XXYLT1: variants seen among roughly 807,000 people sequenced by gnomAD.
XXYLT1 encodes xyloside xylosyltransferase 1.
In XXYLT1, 20 loss-of-function variants were observed where a neutral mutation model predicts 28.9. The ratio of observed to expected loss-of-function variants is 0.69; its 90% CI spans 0.49 to 1.00. XXYLT1 has a LOEUF of 1.00. XXYLT1 is among the 50% of genes least tolerant of loss of function. XXYLT1 has a pLI of 0.00. For missense variants in XXYLT1, 542 were observed against 560.1 expected (o/e 0.97, Z 0.33); for synonymous variants, 257 against 253.8 (o/e 1.01, Z -0.12).
intron 2 of XXYLT1, chr3:195,175,678 A>T (rs974106544): frequency 4.6e-6 from 7 of 1,536,032 alleles, no homozygotes; most frequent in Non-Finnish European, 6.1e-6. Flanking sequence ...CCACATGACT[A>T]GCTCCTGGCT....
At chr3:195,102,762 T>C (rs1344834073) in intron 3 of XXYLT1, among the ~76,000 whole-genome samples, 1 of 152,234 alleles carries the variant, frequency 6.6e-6, no homozygotes, top group Non-Finnish European at 1.5e-5. Flanking sequence ...TGAATAACGT[T>C]GCCGTGAGCA....
intron 3 of XXYLT1, among the ~76,000 whole-genome samples, chr3:195,144,365 A>G (rs942799526): frequency 6.6e-6 from 1 of 151,906 alleles, no homozygotes; most frequent in African/African-American, 2.4e-5. Context: ...TGGCTGGCAA[A>G]GGGGGTCAAA....
intron 2 of XXYLT1, among the ~76,000 whole-genome samples, chr3:195,211,125 A>G (rs909410852): frequency 6.6e-6 from 1 of 152,186 alleles, no homozygotes; most frequent in Non-Finnish European, 1.5e-5. Flanking sequence ...CGGGCATGGT[A>G]GCTCACGCCT....
chr3:195,105,032 A>C (rs147714143), intron 3 of XXYLT1, among the ~76,000 whole-genome samples: 361 of 152,330 alleles, frequency 2.4e-3, no homozygotes, highest in Non-Finnish European at 3.2e-3. Flanking sequence ...TGCCCTGGGG[A>C]TAGTGGTGTG....
At chr3:195,101,978 A>AGGGGGTGGGGGAGGGGAG (rs1273258900) in intron 3 of XXYLT1, among the ~76,000 whole-genome samples, 2 of 1,232 alleles carry the variant, frequency 1.6e-3, no homozygotes, top group Admixed American at 6.3e-3. Context: ...CGGGGGAGGG[A>AGGGGGTGGGGGAGGGGAG]GGGATGCGGG....
chr3:195,131,272 C>G (rs1248147836), intron 3 of XXYLT1, among the ~76,000 whole-genome samples: 2 of 152,244 alleles, frequency 1.3e-5, no homozygotes, highest in Non-Finnish European at 2.9e-5. Context: ...TTTCCAAACA[C>G]ACACAGTCTT....
chr3:195,104,223 G>A (rs993606950), intron 3 of XXYLT1, among the ~76,000 whole-genome samples: 4 of 151,088 alleles, frequency 2.6e-5, no homozygotes, highest in Non-Finnish European at 3.0e-5. Context: ...GTGTGTGTGT[G>A]TGTGTGTGTG....
chr3:195,115,775 G>C lies in XXYLT1; in HGVS notation c.785+40674C>G, dbSNP rs533451271. Among the ~76,000 whole-genome samples the C allele has an allele frequency of 1.7e-4, 26 of 152,280 alleles. No homozygotes were observed. Among genetic ancestry groups the C allele is most frequent in the African/African-American group, 6.3e-4 (26 of 41,550 alleles). ...GGGCGGCAGGTGCAGGCCAGGACCG[G>C]ACCTCGGTTATCTAGAGAGTAACTA... is the stretch of plus-strand genomic sequence containing the variant. On this transcript the variant is annotated intron_variant, in intron 3 of 3. Coordinates refer to ENST00000310380, the MANE Select transcript of XXYLT1 (RefSeq NM_152531.5). This position sits in a 1 kb window ranked among gnomAD's most constrained non-coding sequence, Gnocchi z 4.2.
chr3:195,209,275 G>A lies in XXYLT1; in HGVS notation c.652+17434C>T, dbSNP rs1369369218. The A allele has an allele frequency of 6.6e-6, 1 of 152,330 alleles. No homozygotes were observed. The highest frequency in any genetic ancestry group is 1.5e-5 in the Non-Finnish European group (1 of 68,124). The allele number at this position is 152,330 out of a possible 1,614,324, so 9.4% of individuals were successfully genotyped here. A position where few individuals can be genotyped will look rare whatever the true frequency, so the allele number is the denominator to read the frequency against. On this transcript the variant is annotated intron_variant, in intron 2 of 3. Coordinates refer to ENST00000310380, the MANE Select transcript of XXYLT1 (RefSeq NM_152531.5). The surrounding 1 kb of genome is among the most constrained non-coding windows in gnomAD (Gnocchi z 5.0). ...CAGAGGAGACCTACGCCAGGTCCCCGGAGACAAGCCGCTCTCAAACTGTCT... is the reference window on the plus strand; with the variant it reads ...CAGAGGAGACCTACGCCAGGTCCCCAGAGACAAGCCGCTCTCAAACTGTCT...
chr3:195,183,373 C>T (rs1722039493), intron 2 of XXYLT1: 1 of 152,242 alleles, frequency 6.6e-6, no homozygotes, highest in African/African-American at 2.4e-5. Context: ...CCTCCTGACC[C>T]CTGGGAAGAA....
At position 195,190,152 on chromosome 3, in the gene XXYLT1, G is replaced by A. The variant is rs1293696293; in HGVS notation, c.653-33571C>T. Among the ~76,000 whole-genome samples, 6 of 143,138 alleles carry A rather than the reference G, an allele frequency of 4.2e-5. 1 individual carries two copies. Among genetic ancestry groups the A allele is most frequent in the African/African-American group, 1.2e-4 (4 of 32,956 alleles). The allele number at this position is 143,138 out of a possible 152,430, so 93.9% of individuals were successfully genotyped here. A position where few individuals can be genotyped will look rare whatever the true frequency, so the allele number is the denominator to read the frequency against. On this transcript the variant is annotated intron_variant, in intron 2 of 3. Coordinates refer to ENST00000310380, the MANE Select transcript of XXYLT1 (RefSeq NM_152531.5). Reference sequence around the variant, plus strand: ...AAATGCAAAAAAAAAGAACATTTCTGTATAAACAAAGACAGAGAACAAACT... The same window carrying A: ...AAATGCAAAAAAAAAGAACATTTCTATATAAACAAAGACAGAGAACAAACT...
At chr3:195,089,972 G>A (rs1716038861) in intron 3 of XXYLT1, among the ~76,000 whole-genome samples, 1 of 151,416 alleles carries the variant, frequency 6.6e-6, no homozygotes. Flanking sequence ...AACAAGAAGA[G>A]CTAACTATCC....
chr3:195,107,533 AGGAGGGGG>A (rs1455237612), intron 3 of XXYLT1, among the ~76,000 whole-genome samples: 7 of 12,994 alleles, frequency 5.4e-4, no homozygotes, highest in African/African-American at 2.1e-3. Context: ...AGGAAGGAGG[AGGAGGGGG>A]AGGAGGAGGG....
At chr3:195,120,292 C>CCCCG (rs10663519) in intron 3 of XXYLT1, among the ~76,000 whole-genome samples, 2 of 143,880 alleles carry the variant, frequency 1.4e-5, no homozygotes, top group Non-Finnish European at 3.1e-5. Flanking sequence ...ATGCCCCCCC[C>CCCCG]GCCCCAGCCC....
At chr3:195,163,880 G>A (rs955421841) in intron 2 of XXYLT1, among the ~76,000 whole-genome samples, 1 of 152,214 alleles carries the variant, frequency 6.6e-6, no homozygotes, top group Admixed American at 6.5e-5. Flanking sequence ...CTGCATTCCA[G>A]GCAACTGAAA....
intron 1 of XXYLT1, 22 bp from the exon 2 acceptor site, chr3:195,226,878 C>A: frequency 1.2e-6 from 2 of 1,610,600 alleles, no homozygotes; most frequent in South Asian, 1.1e-5. Context: ...GCAAAAAAAA[C>A]CAAGGCTCAG....
Position 195,131,745 on chromosome 3 carries a change from C to G in XXYLT1, c.785+24704G>C, listed in dbSNP as rs1718917344. On this transcript the variant is annotated intron_variant, in intron 3 of 3. Transcript: ENST00000310380. The stretch of plus-strand genomic sequence containing the variant: ...TCTATGGTAAATGTTTACCAGTGAC[C>G]CCACCATATCCAGGCTAATTTCATA... Among the ~76,000 whole-genome samples, 4 of 152,270 alleles carry G rather than the reference C, an allele frequency of 2.6e-5. No homozygotes were observed. The South Asian group carries it at 8.3e-4, about 32-fold the overall frequency.
At chr3:195,097,698 C>A (rs1425279611) in intron 3 of XXYLT1, among the ~76,000 whole-genome samples, 5 of 152,180 alleles carry the variant, frequency 3.3e-5, no homozygotes, top group Admixed American at 3.3e-4. Flanking sequence ...ATGGCGAGCA[C>A]CCTGTGAACA....
intron 3 of XXYLT1, among the ~76,000 whole-genome samples, chr3:195,079,463 G>A (rs915864056): frequency 4.0e-5 from 6 of 151,898 alleles, no homozygotes; most frequent in South Asian, 2.1e-4. Flanking sequence ...TGAGAATAAC[G>A]ATAATGGCTA....
Sources: allele counts gnomAD v4.1 joint callset (sites outside exome capture counted in the v4.1 genomes callset), GRCh38; gene constraint gnomAD v4.1.1; non-coding constraint Gnocchi (gnomAD v3.1); transcripts MANE v1.5; gene names NCBI Gene and HGNC (gene_info 2026-07-23, HGNC 2026-07-21).